Variants in RPH3A observed in about 807,000 individuals in gnomAD.
RPH3A encodes rabphilin 3A.
In RPH3A, 48 loss-of-function variants were observed where a neutral mutation model predicts 102.2. The observed-to-expected ratio is 0.47, with a 90% CI of 0.37 to 0.60. The LOEUF (loss-of-function observed/expected upper bound fraction) is 0.60. RPH3A is among the 20% of genes least tolerant of loss of function. RPH3A has a pLI of 0.00. For synonymous variants in RPH3A, 310 were observed against 324.3 expected (o/e 0.96, Z 0.47); for missense variants, 781 against 910.1 (o/e 0.86, Z 1.83).
chr12:112,868,339 A>T, intron 7 of RPH3A, 91 bp from the exon 8 acceptor site: 1 of 1,309,786 alleles, frequency 7.6e-7, no homozygotes, highest in Non-Finnish European at 1.1e-6. Flanking sequence ...TGTGCTTTGG[A>T]TGAGGAGGAA....
At chr12:112,712,925 C>CTTCTTCTTCTTCTTCTTCCTCTTCT (rs1565856803) in intron 1 of RPH3A, among the ~76,000 whole-genome samples, 1 of 94,528 alleles carries the variant, frequency 1.1e-5, no homozygotes, top group Admixed American at 1.2e-4. Flanking sequence ...CTTCTTCTTC[C>CTTCTTCTTCTTCTTCTTCCTCTTCT]TCTTCTTCTT....
At chr12:112,629,298 G>A (rs1434723694) in intron 1 of RPH3A, among the ~76,000 whole-genome samples, 1 of 151,206 alleles carries the variant, frequency 6.6e-6, no homozygotes, top group Non-Finnish European at 1.5e-5. Context: ...AAATTAACCT[G>A]CTTTTTTGTG....
intron 1 of RPH3A, among the ~76,000 whole-genome samples, chr12:112,628,337 G>A (rs2039780167): frequency 6.6e-6 from 1 of 151,928 alleles, no homozygotes; most frequent in Non-Finnish European, 1.5e-5. Flanking sequence ...AATTTGCTTG[G>A]TGGTGGAGCA....
intron 1 of RPH3A, among the ~76,000 whole-genome samples, chr12:112,603,722 C>G (rs935048468): frequency 6.6e-6 from 1 of 152,146 alleles, no homozygotes; most frequent in Non-Finnish European, 1.5e-5. Flanking sequence ...TGAATCTGTT[C>G]TCTTAACCAT....
chr12:112,749,074 GGCATTT>G (rs1246113122), intron 1 of RPH3A, among the ~76,000 whole-genome samples: 1 of 152,144 alleles, frequency 6.6e-6, no homozygotes, highest in Non-Finnish European at 1.5e-5. Flanking sequence ...GAAGCTGAAA[GGCATTT>G]GCATATGATT....
intron 1 of RPH3A, among the ~76,000 whole-genome samples, chr12:112,672,820 C>T (rs932326838): frequency 2.6e-5 from 4 of 152,176 alleles, no homozygotes; most frequent in Non-Finnish European, 5.9e-5. Context: ...CCGAAGAGAC[C>T]TTGCAGTCCT....
At chr12:112,587,762 A>T (rs764185989) in intron 1 of RPH3A, among the ~76,000 whole-genome samples, 7 of 152,174 alleles carry the variant, frequency 4.6e-5, no homozygotes, top group Non-Finnish European at 1.0e-4. Context: ...ACCTGTAGGA[A>T]CTAGAGCTGT....
intron 1 of RPH3A, among the ~76,000 whole-genome samples, chr12:112,680,028 G>A (rs928613174): frequency 1.3e-5 from 2 of 152,176 alleles, no homozygotes; most frequent in Non-Finnish European, 2.9e-5. Context: ...GAAGAGCAGA[G>A]GGAAGTATGT....
chr12:112,835,386 A>G (rs996656402), intron 3 of RPH3A, among the ~76,000 whole-genome samples: 1 of 152,216 alleles, frequency 6.6e-6, no homozygotes. Flanking sequence ...AATGTCAGTT[A>G]ATTAAAATTC....
At position 112,859,785 on chromosome 12, in the gene RPH3A, C is replaced by T. The variant is rs562728765; in HGVS notation, c.231-5629C>T. On this transcript the variant is annotated intron_variant, in intron 5 of 21. Coordinates refer to ENST00000389385, the MANE Select transcript of RPH3A (RefSeq NM_001143854.2). Reference sequence around the variant, plus strand: ...AAAATGCAGGTTCCTAGGCCTCCCCCAACCCCATAGAATTATTCTCTGAAT... The same window carrying T: ...AAAATGCAGGTTCCTAGGCCTCCCCTAACCCCATAGAATTATTCTCTGAAT... Among the ~76,000 whole-genome samples, 42 of 152,320 alleles carry T rather than the reference C, an allele frequency of 2.8e-4. 3 individuals are homozygous for T. The highest frequency in any genetic ancestry group is 9.6e-4 in the African/African-American group (40 of 41,566).
chr12:112,619,332 C>T (rs1255265177), intron 1 of RPH3A, among the ~76,000 whole-genome samples: 1 of 150,506 alleles, frequency 6.6e-6, no homozygotes, highest in Non-Finnish European at 1.5e-5. Flanking sequence ...GTTGCCCAGG[C>T]TGAAGTGCAA....
At chr12:112,859,188 ATCTCAATGTTTCTG>A (rs1255087269) in intron 5 of RPH3A, among the ~76,000 whole-genome samples, 1 of 152,150 alleles carries the variant, frequency 6.6e-6, no homozygotes, top group African/African-American at 2.4e-5. Context: ...AAGAGGAGAA[ATCTCAATGTTTCTG>A]TCTCAGGATC....
intron 10 of RPH3A, among the ~76,000 whole-genome samples, chr12:112,873,512 C>T (rs1284638674): frequency 6.6e-6 from 1 of 152,220 alleles, no homozygotes; most frequent in Non-Finnish European, 1.5e-5. Context: ...GAAATCCCTT[C>T]AGAGGTCTCT....
At chr12:112,839,091 C>T (rs200795047) in intron 4 of RPH3A, among the ~76,000 whole-genome samples, 1 of 151,842 alleles carries the variant, frequency 6.6e-6, no homozygotes, top group East Asian at 1.9e-4. Flanking sequence ...AGCAGGTTAC[C>T]ACAGTGGTCT....
intron 1 of RPH3A, among the ~76,000 whole-genome samples, chr12:112,774,063 C>CAAAAAA (rs11375355): frequency 3.7e-5 from 4 of 108,412 alleles, no homozygotes; most frequent in East Asian, 2.4e-4. Flanking sequence ...CCAGCCTGGG[C>CAAAAAA]AAAAAAAAAA....
intron 1 of RPH3A, among the ~76,000 whole-genome samples, chr12:112,619,502 C>T (rs776210485): frequency 3.9e-5 from 6 of 151,974 alleles, no homozygotes; most frequent in South Asian, 2.1e-4. Flanking sequence ...AGGCTGGTCT[C>T]GAACTCCTGA....
intron 3 of RPH3A, among the ~76,000 whole-genome samples, chr12:112,829,926 TTAAAGTCA>T (rs1160746536): frequency 2.6e-5 from 4 of 152,240 alleles, no homozygotes; most frequent in Non-Finnish European, 5.9e-5. Flanking sequence ...AAGACAAGTG[TTAAAGTCA>T]TATGAGCACT....
At chr12:112,645,261 G>A (rs1209976870) in intron 1 of RPH3A, among the ~76,000 whole-genome samples, 3 of 152,128 alleles carry the variant, frequency 2.0e-5, no homozygotes, top group Non-Finnish European at 4.4e-5. Context: ...AAAGGGTCAT[G>A]TTGTCCAACA....
chr12:112,580,329 A>G (rs2039388805), intron 1 of RPH3A, among the ~76,000 whole-genome samples: 1 of 150,416 alleles, frequency 6.6e-6, no homozygotes, highest in Non-Finnish European at 1.5e-5. Flanking sequence ...GGGCATGACT[A>G]TAAAAGGGTG....
Sources: gnomAD v4.1 joint callset for allele counts (sites outside exome capture counted in the v4.1 genomes callset) on GRCh38, gnomAD v4.1.1 for gene constraint, MANE v1.5 for transcripts, NCBI Gene and HGNC (gene_info 2026-07-23, HGNC 2026-07-21) for gene names.